Variants in GPC2 observed in about 807,000 individuals in gnomAD.
The protein encoded by GPC2 is glypican-2.
Under a neutral mutation model 57.3 loss-of-function variants are expected in GPC2, and 42 were observed. That is an observed-to-expected ratio of 0.73 (90% confidence interval 0.57 to 0.95). The LOEUF (loss-of-function observed/expected upper bound fraction) is 0.95, where lower values mean the gene tolerates loss of function less well. Ranked by LOEUF, GPC2 falls within the 40% of genes least tolerant of loss-of-function variation. GPC2 has a pLI of 0.00. For synonymous variants in GPC2, 364 were observed against 343.4 expected (o/e 1.06, Z -0.66); for missense variants, 745 against 793.6 (o/e 0.94, Z 0.74).
Position 100,170,365 on chromosome 7 carries a change from A to G in GPC2, c.1605T>C (p.Ser535=). ...RPPYPPRRDG[S]GGKGGGGSAR... is the part of the protein sequence containing the mutation. ...CACTGCCACCTCCTCCTTTGCCCCC[A>G]GAACCATCCCTTCTAGGAGGGTATG... The change falls in exon 10 of 10, where the codon TCT becomes TCC. Residue 535 remains serine (S), a synonymous_variant. Coordinates refer to ENST00000292377, the MANE Select transcript of GPC2 (RefSeq NM_152742.3). 1.2e-6 allele frequency: 2 copies of G among 1,613,482 alleles called. No homozygotes were observed. The highest frequency in any genetic ancestry group is 1.7e-6 in the Non-Finnish European group (2 of 1,179,784).
Position 100,170,429 on chromosome 7 carries a change from G to A in GPC2, c.1541C>T (p.Ala514Val), listed in dbSNP as rs754308543. ...CCGGGCTGGGGGAGCCACAGCCCCA[G>A]CCATCCAGTCATCTGCATACTGCTG... ...GGQQYADDWMAGAVAPPARPP... is the reference protein window; with the variant it reads ...GGQQYADDWMVGAVAPPARPP... Residue 514 changes from alanine to valine, a missense_variant, in exon 10 of 10, where the codon GCT (alanine) becomes GTT (valine). Transcript: ENST00000292377. 1.2e-6 allele frequency: 2 copies of A among 1,607,268 alleles called. No individual in the cohort carries two copies. The highest frequency in any genetic ancestry group is 2.2e-5 in the South Asian group (2 of 89,904).
rs1374110938 is a variant in GPC2, at chr7:100,175,762, C to T, written c.458G>A (p.Gly153Glu). ...GTCATCCAACCCCTCACCAGATTCC[C>T]CATAGAAGTCTCGCAGCCGAGAGAA... ...GLFSRLRDFY[G>E]ESGEGLDDTL... The change falls in exon 3 of 10, where the codon GGG becomes GAG. Residue 153 changes from glycine to glutamate, a missense_variant. Gly to Glu is a moderately conservative substitution (Grantham distance 98, BLOSUM62 -2). Coordinates refer to ENST00000292377, the MANE Select transcript of GPC2 (RefSeq NM_152742.3). 2 of 1,614,074 alleles carry T rather than the reference C, an allele frequency of 1.2e-6. No homozygotes were observed. The highest frequency in any genetic ancestry group is 1.7e-6 in the Non-Finnish European group (2 of 1,180,026).
rs1584628871 is a variant in GPC2 at position 100,170,416 on chromosome 7, A to G, written c.1554T>C (p.Ala518=). 6.2e-7 allele frequency: 1 copy of G among 1,609,206 alleles called. No homozygotes were observed. ...GAGGCCGAGGAGGCCGGGCTGGGGGAGCCACAGCCCCAGCCATCCAGTCAT... is the reference window on the plus strand; with the variant it reads ...GAGGCCGAGGAGGCCGGGCTGGGGGGGCCACAGCCCCAGCCATCCAGTCAT... The part of the protein sequence containing the change: ...YADDWMAGAV[A]PPARPPRPPY... The change falls in exon 10 of 10, where the codon GCT becomes GCC. Residue 518 remains alanine (A), a synonymous_variant. Coordinates refer to ENST00000292377, the MANE Select transcript of GPC2 (RefSeq NM_152742.3).
chr7:100,173,437 T>A (rs1799216704), intron 5 of GPC2: 1 of 147,506 alleles, frequency 6.8e-6, no homozygotes, highest in African/African-American at 2.5e-5. Flanking sequence ...GCCTGATAAT[T>A]TCTTTCTTTT....
Position 100,175,622 on chromosome 7 carries a change from C to G in GPC2, c.598G>C (p.Asp200His), listed in dbSNP as rs1333017606. The change falls in exon 3 of 10, where the codon GAT becomes CAT. Residue 200 changes from aspartate to histidine, a missense_variant. Physicochemically the swap from Asp to His is moderately conservative, Grantham distance 81 (BLOSUM62 -1). Around this residue, in one of 2 missense-constraint regions of GPC2, gnomAD observed 607 missense variants for 603.9 expected, o/e 1.01. Transcript: ENST00000292377. ...TCCCCAAAGGGCTGCAGAGAGCCAT[C>G]GGTAGATGAGGCCAAGCGTGAGAGG... ...LCLSRLASST[D>H]GSLQPFGDSP... The G allele has an allele frequency of 1.2e-6, 2 of 1,613,648 alleles. No individual in the cohort carries two copies. The highest frequency in any genetic ancestry group is 1.7e-5 in the Admixed American group (1 of 59,938).
At chr7:100,172,278 C>T in intron 5 of GPC2, 61 bp from the exon 6 acceptor site, 3 of 1,563,242 alleles carry the variant, frequency 1.9e-6, no homozygotes, top group Non-Finnish European at 2.6e-6. Context: ...CTAGGATGTT[C>T]CTGAAAATCC....
At position 100,170,134 on chromosome 7, in the gene GPC2, C is replaced by T; in HGVS notation, c.*96G>A. The T allele has an allele frequency of 1.5e-6, 2 of 1,315,228 alleles. No individual in the cohort carries two copies. Among genetic ancestry groups the T allele is most frequent in the Non-Finnish European group, 2.0e-6 (2 of 985,022 alleles). 81.5% of individuals were successfully genotyped at this position (1,315,228 alleles called of 1,614,324 possible). A position where few individuals can be genotyped will look rare whatever the true frequency, so the allele number is the denominator to read the frequency against. On this transcript the variant is annotated 3_prime_UTR_variant, in exon 10 of 10. Transcript: ENST00000292377. ...ACCTGCAAAGTCCCTTCTCTACCCT[C>T]TCTGCAGCCCCCTTCGACTCCTCCC...
Position 100,173,969 on chromosome 7 carries a change from GC to G in GPC2, c.757del (p.Ala253LeufsTer2). ...KVPVSEGCSQ[A>X]LMRLIGCPLC... ...GGGACAGCCGATGAGACGCATCAGA[GC>G]CTGGCTGCAGCCTTCAGACACCGGC... On this transcript the variant is annotated frameshift_variant, in exon 5 of 10. Transcript: ENST00000292377. LOFTEE classifies it high-confidence loss of function. The G allele has an allele frequency of 6.3e-7, 1 of 1,593,224 alleles. No individual in the cohort carries two copies. The highest frequency in any genetic ancestry group is 8.5e-7 in the Non-Finnish European group (1 of 1,170,318).
At chr7:100,170,728 AAAAAC>A (rs1408389206) in intron 9 of GPC2, among the ~76,000 whole-genome samples, 1 of 152,054 alleles carries the variant, frequency 6.6e-6, no homozygotes, top group Non-Finnish European at 1.5e-5. Context: ...AGAGAGAAAA[AAAAAC>A]AAAACAGGCA....
rs1228528254 is a variant in GPC2 at position 100,175,559 on chromosome 7, C to G, written c.648+13G>C. 6.3e-7 allele frequency: 1 copy of G among 1,595,628 alleles called. No homozygotes were observed. ...TCAGAAGTGGTTGAAGCTCAGGCCTCAGGATCCCTCACCTGCAGGCGGAGG... is the reference window on the plus strand; with the variant it reads ...TCAGAAGTGGTTGAAGCTCAGGCCTGAGGATCCCTCACCTGCAGGCGGAGG... On this transcript the variant is annotated intron_variant, in intron 3 of 9. Transcript: ENST00000292377.
chr7:100,177,266 A>T lies in GPC2; in HGVS notation c.-67T>A. The T allele has an allele frequency of 7.0e-7, 1 of 1,423,116 alleles. No homozygotes were observed. The highest frequency in any genetic ancestry group is 2.3e-5 in the Admixed American group (1 of 42,628). The allele number at this position is 1,423,116 out of a possible 1,614,324, so 88.2% of individuals were successfully genotyped here. The stretch of plus-strand genomic sequence containing the variant: ...GAAAGCAGAGCCTCCCAAACTCGGG[A>T]ATCCGGTACTCGGCCGCGGGACCGC... On this transcript the variant is annotated 5_prime_UTR_variant, in exon 1 of 10. Transcript: ENST00000292377.
At chr7:100,173,080 G>C (rs1399652052) in intron 5 of GPC2, among the ~76,000 whole-genome samples, 1 of 151,956 alleles carries the variant, frequency 6.6e-6, no homozygotes, top group Non-Finnish European at 1.5e-5. Context: ...CACCATGTTA[G>C]CCAGGCTGGT....
Position 100,171,002 on chromosome 7 carries a change from C to T in GPC2, c.1486+259G>A. The T allele has an allele frequency of 2.4e-6, 1 of 419,430 alleles. No individual in the cohort carries two copies. The allele number at this position is 419,430 out of a possible 1,614,324, so 26.0% of individuals were successfully genotyped here. A position where few individuals can be genotyped will look rare whatever the true frequency, so the allele number is the denominator to read the frequency against. On this transcript the variant is annotated intron_variant, in intron 9 of 9. Transcript: ENST00000292377. The surrounding 1 kb of genome is among the most constrained non-coding windows in gnomAD (Gnocchi z 4.8). Reference sequence around the variant, plus strand: ...CCCCCTCCCCCATTTTCCCACTGCCCTTTGCCCATTATAAGGGGCTTCCCA... The same window carrying T: ...CCCCCTCCCCCATTTTCCCACTGCCTTTTGCCCATTATAAGGGGCTTCCCA...
chr7:100,175,996 ACAAGTGAAT>A, intron 2 of GPC2, 102 bp from the exon 3 acceptor site: 1 of 1,024,644 alleles, frequency 9.8e-7, no homozygotes, highest in South Asian at 1.6e-5. Flanking sequence ...AAGAGAAAAG[ACAAGTGAAT>A]CAGAAACTGA....
rs757947539 is a variant in GPC2, at chr7:100,173,992, C to T, written c.735G>A (p.Pro245=). Residue 245 remains proline (P), a synonymous_variant, in exon 5 of 10, where the codon CCG becomes CCA. Transcript: ENST00000292377. ...GAGCCTGGCTGCAGCCTTCAGACAC[C>T]GGCACCTGGGGGCAGAGAGTGGGGC... The part of the protein sequence containing the change: ...RNVVSEALKV[P]VSEGCSQALM... 2.1e-5 allele frequency: 33 copies of T among 1,571,592 alleles called. No homozygotes were observed. The highest frequency in any genetic ancestry group is 3.4e-4 in the Middle Eastern group (2 of 5,868).
Position 100,177,371 on chromosome 7 carries a change from A to G in GPC2, c.-172T>C, listed in dbSNP as rs1799332592. 1.9e-6 allele frequency: 1 copy of G among 537,196 alleles called. No individual in the cohort carries two copies. The highest frequency in any genetic ancestry group is 3.1e-6 in the Non-Finnish European group (1 of 327,760). 33.3% of individuals were successfully genotyped at this position (537,196 alleles called of 1,614,324 possible). Reference sequence around the variant, plus strand: ...GCTGGACCAGGCGGCATCTGCCGAGACAATGGGAGCGGGGAGCCGGACAGG... The same window carrying G: ...GCTGGACCAGGCGGCATCTGCCGAGGCAATGGGAGCGGGGAGCCGGACAGG... On this transcript the variant is annotated 5_prime_UTR_variant, in exon 1 of 10. Coordinates refer to ENST00000292377, the MANE Select transcript of GPC2 (RefSeq NM_152742.3).
intron 5 of GPC2, among the ~76,000 whole-genome samples, chr7:100,172,770 T>C (rs1370651964): frequency 6.7e-6 from 1 of 148,612 alleles, no homozygotes; most frequent in East Asian, 1.9e-4. Flanking sequence ...TGTGTATATA[T>C]ATATGTGTGT....
intron 3 of GPC2, among the ~76,000 whole-genome samples, chr7:100,174,983 G>C (rs1799242736): frequency 6.6e-6 from 1 of 152,054 alleles, no homozygotes; most frequent in Non-Finnish European, 1.5e-5. Context: ...GAGATGGAGG[G>C]ATTATGTTGT....
At chr7:100,172,922 G>A (rs1282387115) in intron 5 of GPC2, among the ~76,000 whole-genome samples, 2 of 150,854 alleles carry the variant, frequency 1.3e-5, no homozygotes, top group African/African-American at 4.9e-5. Context: ...CACCCAGGCT[G>A]GAGTGCAATG....
Sources: allele counts gnomAD v4.1 joint callset (sites outside exome capture counted in the v4.1 genomes callset), GRCh38; gene constraint gnomAD v4.1.1; regional missense constraint gnomAD v4.1.1; non-coding constraint Gnocchi (gnomAD v3.1); transcripts MANE v1.5; gene names NCBI Gene and HGNC (gene_info 2026-07-23, HGNC 2026-07-21).